ZNF780B: variants seen among roughly 807,000 people sequenced by gnomAD.
ZNF780B encodes the protein zinc finger protein 779.
Under a neutral mutation model 74.1 loss-of-function variants are expected in ZNF780B, and 52 were observed. That is an observed-to-expected ratio of 0.70 (90% CI 0.56 to 0.88). The LOEUF is 0.88. Ranked by LOEUF, ZNF780B falls within the 40% of genes least tolerant of loss-of-function variation. ZNF780B has a pLI of 0.00. For synonymous variants in ZNF780B, 315 were observed against 324.3 expected (o/e 0.97, Z 0.31); for missense variants, 953 against 1,007.6 (o/e 0.95, Z 0.73).
chr19:40,054,927 TATC>T (rs1973417868), intron 1 of ZNF780B, among the ~76,000 whole-genome samples: 1 of 152,170 alleles, frequency 6.6e-6, no homozygotes, highest in Admixed American at 6.5e-5. Flanking sequence ...GTATTACAAT[TATC>T]ATCTCATGGA....
At chr19:40,050,428 C>T in intron 1 of ZNF780B, 51 bp from the exon 2 acceptor site, 1 of 1,467,452 alleles carries the variant, frequency 6.8e-7, no homozygotes, top group Non-Finnish European at 9.2e-7. Context: ...TGTCCGAAAG[C>T]ACTAGAACGA....
chr19:40,049,060 GAAAAA>G, intron 2 of ZNF780B: 1 of 258,986 alleles, frequency 3.9e-6, no homozygotes, highest in Non-Finnish European at 7.3e-6. Context: ...GCACTCCCTG[GAAAAA>G]AAAAAAAAAG....
chr19:40,053,254 G>A (rs1973320060), intron 1 of ZNF780B, among the ~76,000 whole-genome samples: 1 of 152,110 alleles, frequency 6.6e-6, no homozygotes, highest in Non-Finnish European at 1.5e-5. Context: ...AATGGGCAAA[G>A]GACCTGATAA....
chr19:40,045,052 T>C (rs1399410300), intron 4 of ZNF780B, among the ~76,000 whole-genome samples: 1 of 152,102 alleles, frequency 6.6e-6, no homozygotes, highest in Non-Finnish European at 1.5e-5. Context: ...TAGCTACGTT[T>C]ATATCAGAAA....
chr19:40,045,846 G>A (rs1016080665), intron 4 of ZNF780B, among the ~76,000 whole-genome samples: 1 of 152,116 alleles, frequency 6.6e-6, no homozygotes, highest in African/African-American at 2.4e-5. Flanking sequence ...AAATTAGCCA[G>A]GCGTGGTGGC....
intron 1 of ZNF780B, among the ~76,000 whole-genome samples, chr19:40,054,624 C>G (rs541936349): frequency 6.6e-6 from 1 of 152,284 alleles, no homozygotes; most frequent in East Asian, 1.9e-4. Context: ...ATGCTCCTGT[C>G]CTATAGAAAG....
Position 40,036,077 on chromosome 19 carries a change from C to T in ZNF780B, c.782G>A (p.Ser261Asn). Residue 261 changes from serine (S) to asparagine (N), a missense_variant, in exon 5 of 5, where the codon AGC becomes AAC. Transcript: ENST00000434248. ...ACTTTGATGCTGAGTAAGGTTTGAGCTACGATTAAAAGACTTCCCACATTC... is the reference window on the plus strand; with the variant it reads ...ACTTTGATGCTGAGTAAGGTTTGAGTTACGATTAAAAGACTTCCCACATTC... ...CKECGKSFNRSSNLTQHQSIH... is the reference protein window; with the variant it reads ...CKECGKSFNRNSNLTQHQSIH... 6.2e-7 allele frequency: 1 copy of T among 1,613,038 alleles called. No individual in the cohort carries two copies.
chr19:40,028,441 G>C lies in ZNF780B; in HGVS notation c.*5916C>G, dbSNP rs923055159. On this transcript the variant is annotated 3_prime_UTR_variant, in exon 5 of 5. Coordinates refer to ENST00000434248, the MANE Select transcript of ZNF780B (RefSeq NM_001005851.3). ...TGAAGAAAAAAAATGTCTCCCTTAT[G>C]GGTACTGTGATTTCAATAGGGTGTG... 5.3e-5 allele frequency: 8 copies of C among 152,088 alleles called. No individual in the cohort carries two copies. The highest frequency in any genetic ancestry group is 1.9e-4 in the African/African-American group (8 of 41,406). 9.4% of individuals were successfully genotyped at this position (152,088 alleles called of 1,614,324 possible).
At position 40,048,267 on chromosome 19, in the gene ZNF780B, A is replaced by G. The variant is rs144367093; in HGVS notation, c.136+403T>C. Among the ~76,000 whole-genome samples the G allele has an allele frequency of 4.9e-3, 745 of 152,266 alleles. 5 individuals carry two copies. Among genetic ancestry groups the G allele is most frequent in the African/African-American group, 0.017 (710 of 41,536 alleles). Reference sequence around the variant, plus strand: ...TCAAGCAATCATAGAGGCTCTTTTAATAGAAAAACTCAACACACTCTTCTC... The same window carrying G: ...TCAAGCAATCATAGAGGCTCTTTTAGTAGAAAAACTCAACACACTCTTCTC... On this transcript the variant is annotated intron_variant, in intron 3 of 4. Transcript: ENST00000434248.
rs1428779838 is a variant in ZNF780B at position 40,049,221 on chromosome 19, G to A, written c.10-425C>T. Among the ~76,000 whole-genome samples, 3 of 120,682 alleles carry A rather than the reference G, an allele frequency of 2.5e-5. No homozygotes were observed. The Admixed American group carries it at 2.9e-4, about 12-fold the overall frequency. 79.2% of individuals were successfully genotyped at this position (120,682 alleles called of 152,430 possible). Reference sequence around the variant, plus strand: ...TGCACTCCAGCCTGGGCTACAGAGTGAGACCCTATCTCAAAAAAAAAAAAA... The same window carrying A: ...TGCACTCCAGCCTGGGCTACAGAGTAAGACCCTATCTCAAAAAAAAAAAAA... On this transcript the variant is annotated intron_variant, in intron 2 of 4. Coordinates refer to ENST00000434248, the MANE Select transcript of ZNF780B (RefSeq NM_001005851.3).
chr19:40,052,767 C>T (rs1973292270), intron 1 of ZNF780B, among the ~76,000 whole-genome samples: 1 of 151,908 alleles, frequency 6.6e-6, no homozygotes, highest in Non-Finnish European at 1.5e-5. Flanking sequence ...GAATAGAGAG[C>T]CCCAGAATAA....
At chr19:40,041,870 T>G (rs1972659716) in intron 4 of ZNF780B, among the ~76,000 whole-genome samples, 2 of 152,180 alleles carry the variant, frequency 1.3e-5, no homozygotes, top group South Asian at 2.1e-4. Flanking sequence ...AATTTGCCAG[T>G]CTGTGTCTTT....
At chr19:40,048,264 T>C (rs1973031869) in intron 3 of ZNF780B, among the ~76,000 whole-genome samples, 1 of 152,050 alleles carries the variant, frequency 6.6e-6, no homozygotes, top group Non-Finnish European at 1.5e-5. Flanking sequence ...AGAGGCTCTT[T>C]TAATAGAAAA....
chr19:40,040,751 G>A (rs1305905718), intron 4 of ZNF780B, among the ~76,000 whole-genome samples: 1 of 152,088 alleles, frequency 6.6e-6, no homozygotes, highest in African/African-American at 2.4e-5. Context: ...GGGATTGGTG[G>A]TGATATCCCC....
At chr19:40,050,159 T>G (rs560441329) in intron 2 of ZNF780B, among the ~76,000 whole-genome samples, 165 bp downstream of exon 2, 1 of 130,456 alleles carries the variant, frequency 7.7e-6, no homozygotes, top group South Asian at 2.3e-4. Context: ...ATCGCACCAC[T>G]GCATTCCAGC....
intron 1 of ZNF780B, among the ~76,000 whole-genome samples, chr19:40,053,665 C>T (rs564070030): frequency 1.3e-5 from 2 of 152,224 alleles, no homozygotes; most frequent in Admixed American, 6.5e-5. Context: ...ATCTAACTGT[C>T]TATCAATGAA....
chr19:40,038,348 T>C (rs1972457230), intron 4 of ZNF780B, among the ~76,000 whole-genome samples: 1 of 152,174 alleles, frequency 6.6e-6, no homozygotes, highest in African/African-American at 2.4e-5. Context: ...AAGACTTTGC[T>C]ATTGTGAATA....
At position 40,048,676 on chromosome 19, in the gene ZNF780B, A is replaced by G. The variant is rs1448499512; in HGVS notation, c.130T>C (p.Ser44Pro). 2 of 1,614,130 alleles carry G rather than the reference A, an allele frequency of 1.2e-6. No homozygotes were observed. The highest frequency in any genetic ancestry group is 1.7e-6 in the Non-Finnish European group (2 of 1,180,050). ...CTGGGACCAATGACCTTACCCAGTG[A>G]TATCAGGTGGCTGTAGTTCTCCAAC... Reference protein sequence around the residue: ...VMLENYSHLISLGSSISKPDV... With the variant: ...VMLENYSHLIPLGSSISKPDV... Residue 44 changes from serine to proline, a missense_variant, in exon 3 of 5, where the codon TCA (serine) becomes CCA (proline). Physicochemically the swap from Ser to Pro is moderately conservative, Grantham distance 74. Transcript: ENST00000434248.
intron 1 of ZNF780B, 84 bp from the exon 2 acceptor site, chr19:40,050,461 C>A (rs1973167083): frequency 1.5e-6 from 2 of 1,344,488 alleles, no homozygotes; most frequent in South Asian, 2.5e-5. Flanking sequence ...TCCTCCATTC[C>A]TATTTCTCAA....
Sources: gnomAD v4.1 joint callset for allele counts (sites outside exome capture counted in the v4.1 genomes callset) on GRCh38, gnomAD v4.1.1 for gene constraint, MANE v1.5 for transcripts, NCBI Gene and HGNC (gene_info 2026-07-23, HGNC 2026-07-21) for gene names.